PLCB1: variants seen among roughly 807,000 people sequenced by gnomAD.
PLCB1 encodes the protein phospholipase C beta 1.
PLCB1 carries 46 observed loss-of-function variants against 161.8 expected under a neutral mutation model. That is an observed-to-expected ratio of 0.28 (90% CI 0.22 to 0.36). The LOEUF is 0.36. Ranked by LOEUF, PLCB1 falls within the 10% of genes least tolerant of loss-of-function variation. PLCB1 has a pLI of 1.00. For synonymous variants in PLCB1, 517 were observed against 503.7 expected, an observed-to-expected ratio of 1.03 and a Z score of -0.35; for missense variants, 1,016 against 1,472.5, an observed-to-expected ratio of 0.69 and a Z score of 5.07.
chr20:8,318,100 A>G (rs1984740495), intron 2 of PLCB1, among the ~76,000 whole-genome samples: 1 of 151,948 alleles, frequency 6.6e-6, no homozygotes, highest in Non-Finnish European at 1.5e-5. Flanking sequence ...ACAACCAGAT[A>G]TTATTTCTCT....
rs561547581 is a variant in PLCB1, at chr20:8,674,374, C to T, written c.863-10558C>T. Among the ~76,000 whole-genome samples the T allele has an allele frequency of 1.2e-4, 18 of 152,282 alleles. 2 individuals are homozygous for T. The South Asian group carries it at 3.5e-3, about 30-fold the overall frequency. On this transcript the variant is annotated intron_variant, in intron 9 of 31. Transcript: ENST00000338037. ...AGTCTCTCTCTCTCACTCTCAATTTCTATTTTGAAATAACCTAGAGTGGTG... is the reference window on the plus strand; with the variant it reads ...AGTCTCTCTCTCTCACTCTCAATTTTTATTTTGAAATAACCTAGAGTGGTG...
chr20:8,702,040 A>G (rs971849542), intron 11 of PLCB1, among the ~76,000 whole-genome samples: 2 of 152,202 alleles, frequency 1.3e-5, no homozygotes, highest in Non-Finnish European at 2.9e-5. Context: ...TGCTTTCAGT[A>G]TGTGTGACCT....
chr20:8,770,872 TG>T (rs1475449232), intron 26 of PLCB1, among the ~76,000 whole-genome samples: 2 of 152,226 alleles, frequency 1.3e-5, no homozygotes, highest in African/African-American at 4.8e-5. Flanking sequence ...CTTAGTGATT[TG>T]GGGCCCCAAG....
intron 31 of PLCB1, among the ~76,000 whole-genome samples, chr20:8,798,463 A>G (rs976814957): frequency 3.3e-5 from 5 of 152,148 alleles, no homozygotes; most frequent in Non-Finnish European, 5.9e-5. Context: ...CTGTCTCTCT[A>G]ATGATGGACC....
At chr20:8,149,588 T>C (rs1013658557) in intron 1 of PLCB1, among the ~76,000 whole-genome samples, 1 of 152,192 alleles carries the variant, frequency 6.6e-6, no homozygotes, top group Non-Finnish European at 1.5e-5. Context: ...TGTTTCAGTA[T>C]AAAAATCCAT....
At chr20:8,299,011 T>C (rs66870318) in intron 2 of PLCB1, among the ~76,000 whole-genome samples, 7 of 151,778 alleles carry the variant, frequency 4.6e-5, no homozygotes, top group East Asian at 1.9e-4. Flanking sequence ...GGTAGGTAGA[T>C]AGACAGACTA....
intron 1 of PLCB1, among the ~76,000 whole-genome samples, chr20:8,149,266 C>T (rs2051485051): frequency 6.6e-6 from 1 of 152,084 alleles, no homozygotes; most frequent in East Asian, 1.9e-4. Flanking sequence ...TATGATTATT[C>T]CCTTCTTTTT....
rs1278787197 is a variant in PLCB1 at position 8,847,125 on chromosome 20, G to C, written c.3424-34497G>C. The stretch of plus-strand genomic sequence containing the variant: ...CCAAGTGATTCTAATATGAAGCCAA[G>C]GTTGAAGACTTCTGTTTAAATCAAT... On this transcript the variant is annotated intron_variant, in intron 31 of 31. Coordinates refer to ENST00000338037, the MANE Select transcript of PLCB1 (RefSeq NM_015192.4). Among the ~76,000 whole-genome samples the C allele has an allele frequency of 5.3e-5, 8 of 152,274 alleles. No homozygotes were observed. In the East Asian group the frequency reaches 1.4e-3, roughly 26 times the overall value.
chr20:8,132,772 G>T lies in PLCB1; in HGVS notation c.99+22G>T. 6.4e-7 allele frequency: 1 copy of T among 1,566,720 alleles called. No homozygotes were observed. Among genetic ancestry groups the T allele is most frequent in the Non-Finnish European group, 8.8e-7 (1 of 1,139,276 alleles). On this transcript the variant is annotated intron_variant, in intron 1 of 31. Transcript: ENST00000338037. This position sits in a 1 kb window ranked among gnomAD's most constrained non-coding sequence, Gnocchi z 5.2. ...TGATGTAAGTATTGGGGCGGCCCGA[G>T]TCGGGGCGCTGGCTCGGGCACCGGG...
At chr20:8,442,732 T>C (rs1307617151) in intron 3 of PLCB1, among the ~76,000 whole-genome samples, 1 of 152,182 alleles carries the variant, frequency 6.6e-6, no homozygotes, top group Non-Finnish European at 1.5e-5. Context: ...AAATCTTTTC[T>C]GTTTTATTAA....
At chr20:8,775,972 G>T (rs1600317599) in intron 27 of PLCB1, among the ~76,000 whole-genome samples, 1 of 152,146 alleles carries the variant, frequency 6.6e-6, no homozygotes, top group Admixed American at 6.5e-5. Context: ...CTGGGCAGGG[G>T]TTGGATCAGG....
chr20:8,433,788 T>C (rs1326484233), intron 3 of PLCB1, among the ~76,000 whole-genome samples: 1 of 116,240 alleles, frequency 8.6e-6, no homozygotes, highest in African/African-American at 3.6e-5. Flanking sequence ...ACACTGTGAA[T>C]TGCCCCCAGG....
intron 19 of PLCB1, among the ~76,000 whole-genome samples, chr20:8,734,896 C>G (rs1481742276): frequency 6.6e-6 from 1 of 152,156 alleles, no homozygotes; most frequent in Non-Finnish European, 1.5e-5. Context: ...TCACTAATTT[C>G]TTTCTACCCT....
chr20:8,360,776 C>T (rs1986511991), intron 2 of PLCB1, among the ~76,000 whole-genome samples: 1 of 152,170 alleles, frequency 6.6e-6, no homozygotes, highest in South Asian at 2.1e-4. Context: ...AAAAAGACCA[C>T]ACTTGTCAAC....
chr20:8,727,267 T>C, intron 16 of PLCB1, 42 bp from the exon 17 acceptor site: 1 of 952,162 alleles, frequency 1.1e-6, no homozygotes, highest in Admixed American at 1.9e-5. Context: ...TGAATTGTAT[T>C]TCTCACCTTC....
At chr20:8,344,726 G>A (rs969513700) in intron 2 of PLCB1, among the ~76,000 whole-genome samples, 1 of 152,314 alleles carries the variant, frequency 6.6e-6, no homozygotes, top group African/African-American at 2.4e-5. Flanking sequence ...ATCTTGTTGA[G>A]CCCAATGAAA....
intron 3 of PLCB1, among the ~76,000 whole-genome samples, chr20:8,403,080 G>A (rs535255736): frequency 6.6e-6 from 1 of 152,198 alleles, no homozygotes; most frequent in East Asian, 1.9e-4. Context: ...TAAACTCTTT[G>A]TGAGTTAGAA....
intron 2 of PLCB1, among the ~76,000 whole-genome samples, chr20:8,221,404 C>T (rs1979401864): frequency 6.6e-6 from 1 of 152,060 alleles, no homozygotes; most frequent in Admixed American, 6.6e-5. Context: ...TAAGTAACTG[C>T]AACTTTTGGG....
At chr20:8,634,695 T>C (rs1988705996) in intron 4 of PLCB1, among the ~76,000 whole-genome samples, 1 of 152,226 alleles carries the variant, frequency 6.6e-6, no homozygotes, top group Non-Finnish European at 1.5e-5. Flanking sequence ...ATTTTCATTC[T>C]CTATTACCTG....
Sources: gnomAD v4.1 joint callset for allele counts (sites outside exome capture counted in the v4.1 genomes callset) on GRCh38, gnomAD v4.1.1 for gene constraint, Gnocchi (gnomAD v3.1) non-coding constraint, MANE v1.5 for transcripts, NCBI Gene and HGNC (gene_info 2026-07-23, HGNC 2026-07-21) for gene names.